The following CADM2 variants were observed in gnomAD, a reference collection of about 807,000 sequenced individuals.
The protein encoded by CADM2 is cell adhesion molecule 2.
CADM2 carries 12 observed loss-of-function variants against 49.8 expected under a neutral mutation model. The ratio of observed to expected loss-of-function variants is 0.24; its 90% CI spans 0.15 to 0.39. CADM2 has a LOEUF of 0.39. CADM2 is among the 10% of genes least tolerant of loss of function. The pLI, the probability that CADM2 is intolerant of heterozygous loss-of-function variation, is 1.00. For synonymous variants in CADM2, 214 were observed against 175.4 expected (o/e 1.22, Z -1.74); for missense variants, 378 against 492.3 (o/e 0.77, Z 2.20).
At chr3:85,653,062 C>T (rs919851605) in intron 1 of CADM2, among the ~76,000 whole-genome samples, 2 of 151,522 alleles carry the variant, frequency 1.3e-5, no homozygotes, top group Non-Finnish European at 2.9e-5. Context: ...CGTGAGCCAC[C>T]GCACCTGGCC....
At chr3:85,803,652 T>C (rs1028845710) in intron 3 of CADM2, among the ~76,000 whole-genome samples, 1 of 152,140 alleles carries the variant, frequency 6.6e-6, no homozygotes, top group Admixed American at 6.6e-5. Context: ...TTGCAGCTCA[T>C]GTCCAGAGGC....
At chr3:85,666,297 C>A (rs1224624586) in intron 1 of CADM2, among the ~76,000 whole-genome samples, 1 of 151,936 alleles carries the variant, frequency 6.6e-6, no homozygotes, top group Non-Finnish European at 1.5e-5. Flanking sequence ...ATGTTAATAT[C>A]TCACTGCGAA....
chr3:84,965,639 A>G (rs2030918887), intron 1 of CADM2, among the ~76,000 whole-genome samples: 1 of 152,222 alleles, frequency 6.6e-6, no homozygotes, highest in Non-Finnish European at 1.5e-5. Flanking sequence ...AGCAAAATTA[A>G]AATAGGATTT....
intron 3 of CADM2, among the ~76,000 whole-genome samples, chr3:85,836,331 AGTGAAAGAAAAGAAAAAACT>A (rs915272646): frequency 2.6e-5 from 4 of 151,672 alleles, no homozygotes; most frequent in Non-Finnish European, 5.9e-5. Context: ...AATTTATTCC[AGTGAAAGAAAAGAAAAAACT>A]GTGGTCACAT....
At chr3:84,973,953 C>T (rs1258613159) in intron 1 of CADM2, among the ~76,000 whole-genome samples, 1 of 152,062 alleles carries the variant, frequency 6.6e-6, no homozygotes, top group African/African-American at 2.4e-5. Context: ...CTGAAGAATA[C>T]ATGGGGATAC....
intron 3 of CADM2, among the ~76,000 whole-genome samples, chr3:85,869,164 C>T (rs1182630701): frequency 1.3e-5 from 2 of 152,106 alleles, no homozygotes; most frequent in Non-Finnish European, 2.9e-5. Context: ...GCTAACCTCA[C>T]TAGTTCAGCT....
chr3:85,149,464 C>A (rs1015707824), intron 1 of CADM2, among the ~76,000 whole-genome samples: 2 of 152,208 alleles, frequency 1.3e-5, no homozygotes, highest in South Asian at 2.1e-4. Flanking sequence ...CGGTTGCTCA[C>A]ACCTGTAATC....
At chr3:85,416,909 G>A (rs2035943712) in intron 1 of CADM2, among the ~76,000 whole-genome samples, 1 of 152,050 alleles carries the variant, frequency 6.6e-6, no homozygotes, top group South Asian at 2.1e-4. Flanking sequence ...GGATCTTAAT[G>A]AGAATAGTAA....
intron 2 of CADM2, among the ~76,000 whole-genome samples, chr3:85,787,023 T>C (rs1204907108): frequency 6.6e-6 from 1 of 152,080 alleles, no homozygotes; most frequent in East Asian, 1.9e-4. Flanking sequence ...AAAAGAAAAC[T>C]GTTTTAAATA....
chr3:85,617,064 C>T (rs1282378472), intron 1 of CADM2, among the ~76,000 whole-genome samples: 1 of 152,116 alleles, frequency 6.6e-6, no homozygotes, highest in Non-Finnish European at 1.5e-5. Context: ...TTTCTCCCCA[C>T]CAACAAACAA....
intron 3 of CADM2, among the ~76,000 whole-genome samples, chr3:85,845,155 C>CAAA (rs71112121): frequency 2.2e-4 from 19 of 87,938 alleles, no homozygotes; most frequent in East Asian, 3.7e-4. Flanking sequence ...GACTTAGTCA[C>CAAA]AAAAAAAAAA....
At chr3:85,484,164 C>T (rs931130338) in intron 1 of CADM2, among the ~76,000 whole-genome samples, 1 of 151,762 alleles carries the variant, frequency 6.6e-6, no homozygotes, top group Non-Finnish European at 1.5e-5. Context: ...AGGCTACAAA[C>T]TTTTTTCCAG....
chr3:85,460,308 G>A (rs905133016), intron 1 of CADM2, among the ~76,000 whole-genome samples: 5 of 151,696 alleles, frequency 3.3e-5, no homozygotes, highest in African/African-American at 7.3e-5. Context: ...TATTTAATTC[G>A]TTACCAAGAA....
chr3:85,460,264 A>G (rs773387888), intron 1 of CADM2, among the ~76,000 whole-genome samples: 1 of 140,308 alleles, frequency 7.1e-6, no homozygotes, highest in Non-Finnish European at 1.5e-5. Context: ...AATATGATGA[A>G]ATATGGGAGG....
chr3:85,091,699 AC>A, intron 1 of CADM2, among the ~76,000 whole-genome samples: 1 of 152,252 alleles, frequency 6.6e-6, no homozygotes, highest in East Asian at 1.9e-4. Context: ...TAAAAATCAA[AC>A]TATTTGCTTT....
chr3:85,645,037 G>A (rs1000176695), intron 1 of CADM2, among the ~76,000 whole-genome samples: 15 of 151,800 alleles, frequency 9.9e-5, no homozygotes, highest in African/African-American at 3.6e-4. Flanking sequence ...CTTAATTGTT[G>A]AATAACTATA....
intron 1 of CADM2, among the ~76,000 whole-genome samples, chr3:85,596,241 A>G (rs946669464): frequency 6.6e-6 from 1 of 151,838 alleles, no homozygotes; most frequent in African/African-American, 2.4e-5. Flanking sequence ...TATGAATCAT[A>G]CTACCTACCT....
intron 5 of CADM2, among the ~76,000 whole-genome samples, chr3:85,912,138 G>T (rs1471535052): frequency 6.6e-6 from 1 of 151,524 alleles, no homozygotes; most frequent in East Asian, 1.9e-4. Flanking sequence ...GTAGAGACGG[G>T]GTTTCACCGT....
chr3:85,689,723 GA>G (rs1020007783), intron 1 of CADM2, among the ~76,000 whole-genome samples: 40 of 152,278 alleles, frequency 2.6e-4, no homozygotes, highest in African/African-American at 9.1e-4. Context: ...AAAAGATATT[GA>G]AAATGAGCAG....
Sources: gnomAD v4.1 joint callset for allele counts (sites outside exome capture counted in the v4.1 genomes callset) on GRCh38, gnomAD v4.1.1 for gene constraint, MANE v1.5 for transcripts, NCBI Gene and HGNC (gene_info 2026-07-23, HGNC 2026-07-21) for gene names.